Variants in SYNDIG1L observed in about 807,000 individuals in gnomAD.
SYNDIG1L encodes the protein synapse differentiation-inducing gene protein 1-like.
A neutral mutation model predicts 20.1 loss-of-function variants in SYNDIG1L; 13 were observed. That is an observed-to-expected ratio of 0.65 (90% CI 0.42 to 1.03). SYNDIG1L has a LOEUF of 1.03. Ranked by LOEUF, SYNDIG1L falls within the 50% of genes least tolerant of loss-of-function variation. The pLI, the probability that SYNDIG1L is intolerant of heterozygous loss-of-function variation, is 0.00. For synonymous variants in SYNDIG1L, 128 were observed against 129.3 expected, an observed-to-expected ratio of 0.99 and a Z score of 0.07; for missense variants, 294 against 305.1, an observed-to-expected ratio of 0.96 and a Z score of 0.27.
chr14:74,479,684 T>G, the SYNDIG1L span: 1 of 167,392 alleles, frequency 6.0e-6, no homozygotes, highest in Non-Finnish European at 1.3e-5. Flanking sequence ...CTTTCAGGCG[T>G]TATTATTCAA....
the SYNDIG1L span, among the ~76,000 whole-genome samples, chr14:74,478,003 G>A: frequency 6.6e-6 from 1 of 152,240 alleles, no homozygotes; most frequent in Non-Finnish European, 1.5e-5. Context: ...GCCCCGCGAT[G>A]GCTGGCAAAC....
chr14:74,423,965 G>A (rs1370368428), intron 1 of SYNDIG1L, among the ~76,000 whole-genome samples: 4 of 152,102 alleles, frequency 2.6e-5, no homozygotes, highest in Non-Finnish European at 5.9e-5. Flanking sequence ...GTCATTCTGA[G>A]TCACACTTAT....
chr14:74,441,924 T>C, the SYNDIG1L span, among the ~76,000 whole-genome samples: 1 of 152,020 alleles, frequency 6.6e-6, no homozygotes. Context: ...TGTGAGTAGG[T>C]CTGGTTTTGG....
chr14:74,414,812 T>C (rs1595196037), intron 1 of SYNDIG1L, among the ~76,000 whole-genome samples: 1 of 152,140 alleles, frequency 6.6e-6, no homozygotes, highest in African/African-American at 2.4e-5. Context: ...CTTTTTCAGC[T>C]GGGGCAGACT....
At chr14:74,412,279 GC>G (rs1269112129) in intron 1 of SYNDIG1L, among the ~76,000 whole-genome samples, 1 of 152,162 alleles carries the variant, frequency 6.6e-6, no homozygotes, top group Non-Finnish European at 1.5e-5. Context: ...GGTCTCTTCT[GC>G]CCTCCAAGGG....
intron 1 of SYNDIG1L, among the ~76,000 whole-genome samples, chr14:74,412,093 C>T (rs1462362967): frequency 3.3e-5 from 5 of 152,196 alleles, no homozygotes; most frequent in African/African-American, 1.2e-4. Flanking sequence ...CTTCAGTGCT[C>T]ACAAATGCAG....
At chr14:74,465,141 G>A in the SYNDIG1L span, among the ~76,000 whole-genome samples, 1 of 152,218 alleles carries the variant, frequency 6.6e-6, no homozygotes, top group African/African-American at 2.4e-5. Context: ...TTCGGATGGT[G>A]TCTGTCTCTG....
At chr14:74,436,933 C>G in the SYNDIG1L span, among the ~76,000 whole-genome samples, 11 of 152,052 alleles carry the variant, frequency 7.2e-5, no homozygotes, top group East Asian at 1.9e-3. Flanking sequence ...CTGGATGCCC[C>G]CTCTCTGGCT....
At chr14:74,460,213 C>A in the SYNDIG1L span, among the ~76,000 whole-genome samples, 1 of 152,166 alleles carries the variant, frequency 6.6e-6, no homozygotes, top group African/African-American at 2.4e-5. Context: ...CCGTCTCAGC[C>A]CTGTTCCAGT....
At chr14:74,471,935 G>A in the SYNDIG1L span, 1 of 151,902 alleles carries the variant, frequency 6.6e-6, no homozygotes, top group African/African-American at 2.4e-5. Context: ...ATGAATTTTT[G>A]TAATCATACG....
chr14:74,435,882 C>T, the SYNDIG1L span, among the ~76,000 whole-genome samples: 1 of 152,196 alleles, frequency 6.6e-6, no homozygotes, highest in African/African-American at 2.4e-5. Context: ...CTTGCTGCAG[C>T]ACAGCAAGTG....
the SYNDIG1L span, among the ~76,000 whole-genome samples, chr14:74,440,470 G>T: frequency 6.9e-6 from 1 of 144,278 alleles, no homozygotes; most frequent in Non-Finnish European, 1.5e-5. Context: ...AGCCAAGATC[G>T]CGCCACTGCT....
At position 74,413,457 on chromosome 14, in the gene SYNDIG1L, T is replaced by A. The variant is rs2086148529; in HGVS notation, c.-57-3656A>T. 1.3e-5 allele frequency among the ~76,000 whole-genome samples: 2 copies of A among 152,214 alleles called. 1 individual carries two copies. Among genetic ancestry groups the A allele is most frequent in the South Asian group, 4.1e-4 (2 of 4,830 alleles). On this transcript the variant is annotated intron_variant, in intron 1 of 3. Transcript: ENST00000331628. ...AGTAATGACGTGAGAAAATACTCAT[T>A]GCAGATTCGGTGAGAAAGAAGAAAA...
At chr14:74,476,210 A>G in the SYNDIG1L span, 97,410 of 574,074 alleles carry the variant, frequency 0.17, 8,834 homozygotes, top group South Asian at 0.26. Context: ...TGGGCAGAGC[A>G]ATGCATTTCT....
At chr14:74,412,815 G>A (rs1438583968) in intron 1 of SYNDIG1L, among the ~76,000 whole-genome samples, 1 of 152,142 alleles carries the variant, frequency 6.6e-6, no homozygotes, top group African/African-American at 2.4e-5. Context: ...GGGAATGGAG[G>A]ACATGGCCCC....
Position 74,407,003 on chromosome 14 carries a change from G to A in SYNDIG1L, c.*532C>T, listed in dbSNP as rs751725178. ...CAGCAAGAGGCCCCCTTGCCTCCAC[G>A]TATTTCCTTCTTGGCCTGCTGAGGT... On this transcript the variant is annotated 3_prime_UTR_variant, in exon 4 of 4. Transcript: ENST00000331628. 7.6e-5 allele frequency: 12 copies of A among 158,866 alleles called. No homozygotes were observed. Among genetic ancestry groups the A allele is most frequent in the Admixed American group, 1.2e-4 (2 of 16,938 alleles). The allele number at this position is 158,866 out of a possible 1,614,324, so 9.8% of individuals were successfully genotyped here. A position where few individuals can be genotyped will look rare whatever the true frequency, so the allele number is the denominator to read the frequency against.
In SYNDIG1L at chr14:74,415,435, A is replaced by C. The variant is rs111812266; in HGVS notation, c.-57-5634T>G. Among the ~76,000 whole-genome samples the C allele has an allele frequency of 5.1e-3, 784 of 152,288 alleles. 7 individuals are homozygous for C. Among genetic ancestry groups the C allele is most frequent in the African/African-American group, 0.018 (752 of 41,544 alleles). ...TCTAACAAGTTCCCAGGTAATGTTG[A>C]TGCTGCTGCTGGTTGAGGGACCACA... On this transcript the variant is annotated intron_variant, in intron 1 of 3. Transcript: ENST00000331628.
At chr14:74,447,769 T>A in the SYNDIG1L span, among the ~76,000 whole-genome samples, 1 of 151,620 alleles carries the variant, frequency 6.6e-6, no homozygotes, top group Non-Finnish European at 1.5e-5. Flanking sequence ...ATATAGAACA[T>A]TGCACCCCAA....
rs1044667 is a variant in SYNDIG1L at position 74,406,081 on chromosome 14, A to C, written c.*1454T>G. ...GGGGCATGGGAATGACCAGGTTCCC[A>C]CATCATGCACAGCAGGGGCCTGTAG... On this transcript the variant is annotated 3_prime_UTR_variant, in exon 4 of 4. Coordinates refer to ENST00000331628, the MANE Select transcript of SYNDIG1L (RefSeq NM_001105579.2). The C allele has an allele frequency of 0.14, 57,381 of 398,506 alleles. 4,525 individuals are homozygous for C. Among genetic ancestry groups the C allele is most frequent in the Admixed American group, 0.24 (5,360 of 22,712 alleles). 24.7% of individuals were successfully genotyped at this position (398,506 alleles called of 1,614,324 possible).
Sources: gnomAD v4.1 joint callset for allele counts (sites outside exome capture counted in the v4.1 genomes callset) on GRCh38, gnomAD v4.1.1 for gene constraint, MANE v1.5 for transcripts, NCBI Gene and HGNC (gene_info 2026-07-23, HGNC 2026-07-21) for gene names.